The following CDH12 variants were observed in gnomAD, a reference collection of about 807,000 sequenced individuals.
CDH12 encodes cadherin-12.
CDH12 carries 41 observed loss-of-function variants against 74.1 expected under a neutral mutation model. The observed-to-expected ratio is 0.55, with a 90% confidence interval of 0.43 to 0.72. The LOEUF is 0.72. CDH12 is among the 30% of genes least tolerant of loss of function. The probability of loss-of-function intolerance (pLI) is 0.00; values close to 1 mark genes in which losing one functional copy is unlikely to be tolerated. For synonymous variants in CDH12, 399 were observed against 355.0 expected, an observed-to-expected ratio of 1.12 and a Z score of -1.39; for missense variants, 945 against 977.2, an observed-to-expected ratio of 0.97 and a Z score of 0.44.
At chr5:22,697,429 A>C (rs1300376247) in intron 1 of CDH12, among the ~76,000 whole-genome samples, 16 of 151,898 alleles carry the variant, frequency 1.1e-4, no homozygotes, top group Admixed American at 1.0e-3. Context: ...AAAATTAGCC[A>C]GGCGTGGTGG....
chr5:22,539,127 G>T (rs1374513029), intron 1 of CDH12, among the ~76,000 whole-genome samples: 4 of 152,202 alleles, frequency 2.6e-5, no homozygotes, highest in Non-Finnish European at 4.4e-5. Flanking sequence ...TTGCATATTT[G>T]AAATGTCAGG....
intron 1 of CDH12, among the ~76,000 whole-genome samples, chr5:22,608,985 C>T (rs955004418): frequency 6.6e-6 from 1 of 152,110 alleles, no homozygotes; most frequent in Non-Finnish European, 1.5e-5. Flanking sequence ...ACAAGGGAAC[C>T]TGGAAGGGCA....
Position 22,851,083 on chromosome 5 carries a change from C to T in CDH12, c.-523+1975G>A, listed in dbSNP as rs189379647. On this transcript the variant is annotated intron_variant, in intron 1 of 14. Transcript: ENST00000382254. ...GACAGAGTTATATGAGGTGTAAGTA[C>T]GTCACATGAGGCATTAAGAGAAATT... 1.1e-4 allele frequency among the ~76,000 whole-genome samples: 16 copies of T among 152,112 alleles called. No individual in the cohort carries two copies. The East Asian group carries it at 1.4e-3, about 13-fold the overall frequency.
chr5:22,842,874 G>A (rs1414640743), intron 1 of CDH12, among the ~76,000 whole-genome samples: 3 of 151,952 alleles, frequency 2.0e-5, no homozygotes, highest in African/African-American at 4.8e-5. Context: ...TAAACAACAA[G>A]CAATAAGCCA....
intron 1 of CDH12, among the ~76,000 whole-genome samples, chr5:22,832,082 A>G (rs2126502551): frequency 6.6e-6 from 1 of 152,320 alleles, no homozygotes; most frequent in African/African-American, 2.4e-5. Flanking sequence ...TAGAATAAAA[A>G]TAAAAAAAGT....
intron 3 of CDH12, among the ~76,000 whole-genome samples, chr5:22,324,587 CAATA>C (rs1231092322): frequency 6.6e-6 from 1 of 151,386 alleles, no homozygotes; most frequent in East Asian, 1.9e-4. Flanking sequence ...CTTTTTATTA[CAATA>C]AATAACCAAA....
At chr5:22,188,637 T>C (rs1239805372) in intron 4 of CDH12, among the ~76,000 whole-genome samples, 1 of 152,216 alleles carries the variant, frequency 6.6e-6, no homozygotes, top group Admixed American at 6.5e-5. Flanking sequence ...TAATCTCACA[T>C]AACGTCCACA....
At chr5:22,077,927 C>A (rs1220814507) in intron 5 of CDH12, among the ~76,000 whole-genome samples, 1 of 152,016 alleles carries the variant, frequency 6.6e-6, no homozygotes, top group African/African-American at 2.4e-5. Flanking sequence ...CAAGCCAAAT[C>A]GAATACTTCA....
At chr5:21,997,093 C>T (rs754392819) in intron 5 of CDH12, among the ~76,000 whole-genome samples, 1 of 151,890 alleles carries the variant, frequency 6.6e-6, no homozygotes, top group Admixed American at 6.6e-5. Context: ...TATTAATAAT[C>T]GTTTTCTTCT....
intron 1 of CDH12, among the ~76,000 whole-genome samples, chr5:22,650,316 C>G (rs1739669055): frequency 6.6e-6 from 1 of 151,950 alleles, no homozygotes; most frequent in Non-Finnish European, 1.5e-5. Context: ...GCTTGCTCTT[C>G]TTAGTTTTAT....
chr5:21,842,137 G>T (rs776797824), intron 8 of CDH12, 24 bp downstream of exon 8: 2 of 1,581,602 alleles, frequency 1.3e-6, no homozygotes, highest in Non-Finnish European at 8.6e-7. Context: ...CAATAATTTA[G>T]GCTTAACAGG....
rs113879960 is a variant in CDH12, at chr5:21,874,076, A to G, written c.527-19286T>C. Among the ~76,000 whole-genome samples, 723 of 152,288 alleles carry G rather than the reference A, an allele frequency of 4.7e-3. 10 individuals are homozygous for G. The highest frequency in any genetic ancestry group is 0.017 in the African/African-American group (694 of 41,554). ...TGCTGCAATGAACATTTGCAAGCGT[A>G]TATCTTTGTAATAGAATGATTTATA... On this transcript the variant is annotated intron_variant, in intron 6 of 14. Transcript: ENST00000382254.
intron 6 of CDH12, among the ~76,000 whole-genome samples, chr5:21,862,661 C>T (rs1751106933): frequency 6.6e-6 from 1 of 152,036 alleles, no homozygotes; most frequent in Non-Finnish European, 1.5e-5. Flanking sequence ...TTGTAAAATG[C>T]TACTTCTAGC....
intron 3 of CDH12, among the ~76,000 whole-genome samples, chr5:22,396,824 G>A (rs1253407663): frequency 6.6e-6 from 1 of 151,976 alleles, no homozygotes; most frequent in African/African-American, 2.4e-5. Flanking sequence ...GTTAGTCATT[G>A]GTTTCTTTAA....
intron 5 of CDH12, among the ~76,000 whole-genome samples, chr5:22,014,394 T>C (rs1310349459): frequency 6.6e-6 from 1 of 152,158 alleles, no homozygotes; most frequent in Non-Finnish European, 1.5e-5. Context: ...CTCAGAAATA[T>C]ATATCTTAAA....
At chr5:22,303,762 A>G (rs1213431816) in intron 3 of CDH12, among the ~76,000 whole-genome samples, 1 of 152,152 alleles carries the variant, frequency 6.6e-6, no homozygotes, top group Non-Finnish European at 1.5e-5. Flanking sequence ...CAATATGTCA[A>G]CTATGTTCAA....
chr5:21,807,666 G>A (rs2149931943), intron 9 of CDH12, among the ~76,000 whole-genome samples: 1 of 152,172 alleles, frequency 6.6e-6, no homozygotes. Flanking sequence ...TATGGTTATA[G>A]ATATTTTGAG....
At chr5:22,477,458 G>T (rs889850617) in intron 2 of CDH12, among the ~76,000 whole-genome samples, 1 of 152,106 alleles carries the variant, frequency 6.6e-6, no homozygotes, top group African/African-American at 2.4e-5. Context: ...TGGTGTATAT[G>T]TACCACATTT....
rs914999352 is a variant in CDH12 at position 22,550,266 on chromosome 5, A to G, written c.-522-44902T>C. Among the ~76,000 whole-genome samples the G allele has an allele frequency of 3.9e-5, 6 of 152,150 alleles. No individual in the cohort carries two copies. In the East Asian group the frequency reaches 1.2e-3, roughly 29 times the overall value. On this transcript the variant is annotated intron_variant, in intron 1 of 14. Transcript: ENST00000382254. ...AATCCAGAAAATTCTATCTAGTGCC[A>G]CAATTTCATATATCATTTGTATCTT...
Sources: allele counts gnomAD v4.1 joint callset (sites outside exome capture counted in the v4.1 genomes callset), GRCh38; gene constraint gnomAD v4.1.1; transcripts MANE v1.5; gene names NCBI Gene and HGNC (gene_info 2026-07-23, HGNC 2026-07-21).